DLGAP1: variants seen among roughly 807,000 people sequenced by gnomAD.
DLGAP1 encodes DLG associated protein 1, also known as disks large-associated protein 1.
In DLGAP1, 11 loss-of-function variants were observed where a neutral mutation model predicts 90.8. The ratio of observed to expected loss-of-function variants is 0.12; its 90% CI spans 0.08 to 0.20. DLGAP1 has a LOEUF of 0.20. Among genes scored for constraint, DLGAP1 ranks in the 10% least tolerant of loss-of-function variants. The pLI is 1.00. For synonymous variants in DLGAP1, 558 were observed against 540.7 expected, an observed-to-expected ratio of 1.03 and a Z score of -0.44; for missense variants, 1,050 against 1,333.8, an observed-to-expected ratio of 0.79 and a Z score of 3.31.
At chr18:4,311,358 G>A (rs1173494054) in intron 1 of DLGAP1, among the ~76,000 whole-genome samples, 2 of 152,154 alleles carry the variant, frequency 1.3e-5, no homozygotes, top group East Asian at 3.8e-4. Context: ...TAATTACAGT[G>A]GTTGTTTCAC....
At chr18:4,402,804 TCAC>T (rs1283857739) in intron 1 of DLGAP1, among the ~76,000 whole-genome samples, 1 of 152,226 alleles carries the variant, frequency 6.6e-6, no homozygotes, top group Non-Finnish European at 1.5e-5. Context: ...CTTATTTTTT[TCAC>T]CACATCTCTC....
chr18:4,313,452 G>A (rs1474623554), intron 1 of DLGAP1, among the ~76,000 whole-genome samples: 2 of 152,110 alleles, frequency 1.3e-5, no homozygotes, highest in African/African-American at 4.8e-5. Context: ...AACCTGGTCA[G>A]TCAAGAATAT....
At chr18:3,704,415 A>C (rs1431656226) in intron 7 of DLGAP1, among the ~76,000 whole-genome samples, 2 of 152,038 alleles carry the variant, frequency 1.3e-5, no homozygotes, top group Non-Finnish European at 2.9e-5. Flanking sequence ...TACTAAAAAT[A>C]CAAAAATTAG....
At chr18:3,847,361 G>T (rs994907866) in intron 4 of DLGAP1, among the ~76,000 whole-genome samples, 1 of 152,164 alleles carries the variant, frequency 6.6e-6, no homozygotes, top group Admixed American at 6.5e-5. Context: ...AGACTAGAAG[G>T]CTGCAGACGT....
At chr18:3,699,234 C>T (rs200733895) in intron 7 of DLGAP1, among the ~76,000 whole-genome samples, 2 of 152,068 alleles carry the variant, frequency 1.3e-5, no homozygotes, top group South Asian at 2.1e-4. Context: ...TTCTGGTTTT[C>T]GGAATTTTCA....
At chr18:4,175,545 T>G (rs568691294) in intron 1 of DLGAP1, among the ~76,000 whole-genome samples, 1 of 152,234 alleles carries the variant, frequency 6.6e-6, no homozygotes, top group African/African-American at 2.4e-5. Flanking sequence ...GTTTTTATGG[T>G]TTTTGCTATT....
intron 1 of DLGAP1, among the ~76,000 whole-genome samples, chr18:4,420,508 C>G (rs1462513685): frequency 6.6e-6 from 1 of 152,038 alleles, no homozygotes; most frequent in African/African-American, 2.4e-5. Flanking sequence ...ACTTATAGTT[C>G]TCTCTCTCTT....
intron 10 of DLGAP1, among the ~76,000 whole-genome samples, chr18:3,514,409 G>A (rs76631075): frequency 0.011 from 1,686 of 152,284 alleles, 22 homozygotes; most frequent in African/African-American, 0.037. Context: ...GCCTGGATAC[G>A]ACAGACACCC....
chr18:4,331,597 C>T (rs558812324), intron 1 of DLGAP1, among the ~76,000 whole-genome samples: 1 of 151,886 alleles, frequency 6.6e-6, no homozygotes, highest in African/African-American at 2.4e-5. Context: ...CTGGTCCCTT[C>T]CCATTGCACT....
chr18:3,611,173 T>C (rs1171345329), intron 7 of DLGAP1, among the ~76,000 whole-genome samples: 1 of 151,874 alleles, frequency 6.6e-6, no homozygotes, highest in East Asian at 1.9e-4. Flanking sequence ...GTTAATTTAC[T>C]ATATGTTTGT....
intron 1 of DLGAP1, among the ~76,000 whole-genome samples, chr18:4,322,797 G>A (rs781114339): frequency 3.9e-5 from 6 of 151,914 alleles, no homozygotes; most frequent in Non-Finnish European, 5.9e-5. Context: ...CCGTCTCTAC[G>A]AAAAAATACA....
intron 1 of DLGAP1, among the ~76,000 whole-genome samples, chr18:4,221,584 C>T (rs1412164309): frequency 6.6e-6 from 1 of 152,134 alleles, no homozygotes; most frequent in Non-Finnish European, 1.5e-5. Flanking sequence ...AGAATAACAC[C>T]TGCTGCTTCA....
chr18:3,735,938 T>C (rs1049302756), intron 6 of DLGAP1, among the ~76,000 whole-genome samples: 16 of 151,652 alleles, frequency 1.1e-4, no homozygotes, highest in Non-Finnish European at 2.4e-4. Context: ...TTCCATTTCA[T>C]TCTCTTTCTC....
At chr18:4,387,466 C>A (rs1217639931) in intron 1 of DLGAP1, among the ~76,000 whole-genome samples, 1 of 152,200 alleles carries the variant, frequency 6.6e-6, no homozygotes, top group East Asian at 1.9e-4. Context: ...AAATACACTT[C>A]ATTTTAATTT....
intron 3 of DLGAP1, among the ~76,000 whole-genome samples, chr18:3,923,834 T>C (rs530077216): frequency 2.6e-5 from 4 of 152,342 alleles, no homozygotes; most frequent in East Asian, 3.9e-4. Context: ...GCTGATTCAC[T>C]TTTAGAAAGG....
At chr18:3,595,657 G>C (rs564559891) in intron 7 of DLGAP1, among the ~76,000 whole-genome samples, 35 of 152,334 alleles carry the variant, frequency 2.3e-4, no homozygotes, top group African/African-American at 8.4e-4. Context: ...GTTGAAGTCA[G>C]GATGTTGAGA....
intron 9 of DLGAP1, among the ~76,000 whole-genome samples, chr18:3,551,722 CCCTTCCTTCCTTCCTT>C (rs1156785378): frequency 0.013 from 162 of 12,522 alleles, 2 homozygotes; most frequent in African/African-American, 0.016. Context: ...CTCCCTCCCT[CCCTTCCTTCCTTCCTT>C]CCTTCCTTCC....
At chr18:4,088,798 A>C (rs568123473) in intron 2 of DLGAP1, among the ~76,000 whole-genome samples, 31 of 152,302 alleles carry the variant, frequency 2.0e-4, no homozygotes, top group African/African-American at 6.7e-4. Context: ...GAAGGGACAT[A>C]TCTCAAAATA....
chr18:3,741,261 TCACCACCACCACATCACCATCACCAC>T (rs1214864343), intron 6 of DLGAP1, among the ~76,000 whole-genome samples: 16 of 37,938 alleles, frequency 4.2e-4, no homozygotes, highest in African/African-American at 1.4e-3. Context: ...ACCACCACAA[TCACCACCACCACATCACCATCACCAC>T]CACCACCACC....
Sources: gnomAD v4.1 joint callset for allele counts (sites outside exome capture counted in the v4.1 genomes callset) on GRCh38, gnomAD v4.1.1 for gene constraint, MANE v1.5 for transcripts, NCBI Gene and HGNC (gene_info 2026-07-23, HGNC 2026-07-21) for gene names.